CDH19: variants seen among roughly 807,000 people sequenced by gnomAD.
CDH19 encodes the protein cadherin-19.
CDH19 carries 67 observed loss-of-function variants against 64.2 expected under a neutral mutation model. The ratio of observed to expected loss-of-function variants is 1.04; its 90% CI spans 0.86 to 1.28. The LOEUF (loss-of-function observed/expected upper bound fraction) is 1.28, where lower values mean the gene tolerates loss of function less well. Ranked by LOEUF, CDH19 falls within the 50% of genes most tolerant of loss-of-function variation. The probability of loss-of-function intolerance (pLI) is 0.00; values close to 1 mark genes in which losing one functional copy is unlikely to be tolerated. For synonymous variants in CDH19, 346 were observed against 319.3 expected, an observed-to-expected ratio of 1.08 and a Z score of -0.89; for missense variants, 1,030 against 929.0, an observed-to-expected ratio of 1.11 and a Z score of -1.41.
At position 66,544,966 on chromosome 18, in the gene CDH19, G is replaced by C. The variant is rs540710662; in HGVS notation, c.776-63C>G. 11 of 1,241,136 alleles carry C rather than the reference G, an allele frequency of 8.9e-6. No individual in the cohort carries two copies. The Admixed American group carries it at 1.3e-4, about 15-fold the overall frequency. 76.9% of individuals were successfully genotyped at this position (1,241,136 alleles called of 1,614,324 possible). On this transcript the variant is annotated intron_variant, in intron 5 of 11. Transcript: ENST00000262150. ...TTAATATAGACAACTTGCAATTATA[G>C]TTTTTTGTTTGTTTGTTTGTTTGTT...
At position 66,595,750 on chromosome 18, in the gene CDH19, G is replaced by GATACTATAAAGAAATA. The variant is rs1294786253; in HGVS notation, c.-113+8203_-113+8204insTATTTCTTTATAGTAT. Among the ~76,000 whole-genome samples the GATACTATAAAGAAATA allele has an allele frequency of 3.3e-5, 5 of 152,050 alleles. No homozygotes were observed. In the East Asian group the frequency reaches 9.7e-4, roughly 29 times the overall value. ...ATACCAGATACTATAAAGAAGACGG[G>GATACTATAAAGAAATA]GTATCAATTTTACTGAAACTATTTC... On this transcript the variant is annotated intron_variant, in intron 1 of 11. Coordinates refer to ENST00000262150, the MANE Select transcript of CDH19 (RefSeq NM_021153.4).
At chr18:66,571,701 T>A (rs1988108828) in intron 2 of CDH19, among the ~76,000 whole-genome samples, 1 of 151,598 alleles carries the variant, frequency 6.6e-6, no homozygotes, top group South Asian at 2.1e-4. Flanking sequence ...GTAAATGATA[T>A]TTGTCTCACT....
chr18:66,585,607 T>C (rs1988555023), intron 1 of CDH19, among the ~76,000 whole-genome samples: 1 of 152,142 alleles, frequency 6.6e-6, no homozygotes, highest in Non-Finnish European at 1.5e-5. Flanking sequence ...GTGAGCTACA[T>C]GAAAATAGCT....
intron 1 of CDH19, among the ~76,000 whole-genome samples, chr18:66,588,622 A>ATC (rs1568211874): frequency 1.5e-5 from 2 of 136,166 alleles, no homozygotes; most frequent in African/African-American, 5.0e-5. Context: ...ATCTATATCT[A>ATC]TATCTATATA....
chr18:66,503,808 G>C lies in CDH19; in HGVS notation c.*1004C>G, dbSNP rs1333352702. ...GTTCAAATTTGAAATCAGTTTTAAAGAGTGCTCTTGGCAAAGTTTTAAAAT... is the reference window on the plus strand; with the variant it reads ...GTTCAAATTTGAAATCAGTTTTAAACAGTGCTCTTGGCAAAGTTTTAAAAT... On this transcript the variant is annotated 3_prime_UTR_variant, in exon 12 of 12. Coordinates refer to ENST00000262150, the MANE Select transcript of CDH19 (RefSeq NM_021153.4). 1 of 151,848 alleles carries C rather than the reference G, an allele frequency of 6.6e-6. No homozygotes were observed. Among genetic ancestry groups the C allele is most frequent in the African/African-American group, 2.4e-5 (1 of 41,414 alleles). The allele number at this position is 151,848 out of a possible 1,614,324, so 9.4% of individuals were successfully genotyped here.
intron 2 of CDH19, 59 bp downstream of exon 2, chr18:66,571,951 C>A (rs757158717): frequency 1.5e-6 from 2 of 1,299,562 alleles, no homozygotes; most frequent in Non-Finnish European, 2.1e-6. Context: ...CCAAACTTCT[C>A]CAACATATTT....
intron 1 of CDH19, among the ~76,000 whole-genome samples, chr18:66,581,938 A>G (rs1988433252): frequency 1.3e-5 from 2 of 152,152 alleles, no homozygotes; most frequent in Admixed American, 1.3e-4. Flanking sequence ...CCCATATGCT[A>G]GGACTTATAT....
chr18:66,559,943 C>T (rs1211060093), intron 3 of CDH19, among the ~76,000 whole-genome samples: 1 of 151,886 alleles, frequency 6.6e-6, no homozygotes, highest in South Asian at 2.1e-4. Context: ...AAATGGTTAA[C>T]TTGGAAAGAC....
At chr18:66,579,255 C>A (rs1168580990) in intron 1 of CDH19, among the ~76,000 whole-genome samples, 1 of 151,828 alleles carries the variant, frequency 6.6e-6, no homozygotes. Context: ...TATGATATGA[C>A]CTTTATAAAG....
intron 5 of CDH19, among the ~76,000 whole-genome samples, chr18:66,545,911 T>C (rs1044098083): frequency 6.6e-6 from 1 of 151,596 alleles, no homozygotes; most frequent in East Asian, 1.9e-4. Context: ...TGCAGATGTA[T>C]TTAAAATACA....
In CDH19 at chr18:66,519,226, G is replaced by T. The variant is rs960358073; in HGVS notation, c.1459-7541C>A. ...CGTGTAGCTAATTCAAATCTCTTTA[G>T]AAGACAATGAACTCCATGTTAAGAA... On this transcript the variant is annotated intron_variant, in intron 9 of 11. Transcript: ENST00000262150. 4.5e-4 allele frequency among the ~76,000 whole-genome samples: 69 copies of T among 152,226 alleles called. 1 individual carries two copies. The highest frequency in any genetic ancestry group is 1.6e-3 in the African/African-American group (67 of 41,548).
At chr18:66,598,446 C>A (rs914225100) in intron 1 of CDH19, among the ~76,000 whole-genome samples, 6 of 152,062 alleles carry the variant, frequency 3.9e-5, no homozygotes, top group Non-Finnish European at 8.8e-5. Context: ...CCTGGATGCT[C>A]ATCAACAATG....
At chr18:66,574,954 G>T (rs992992190) in intron 1 of CDH19, among the ~76,000 whole-genome samples, 5 of 151,810 alleles carry the variant, frequency 3.3e-5, no homozygotes, top group African/African-American at 1.2e-4. Context: ...TTTGTAAAGA[G>T]ATCAGCTGAA....
chr18:66,532,070 G>A (rs778349856), intron 8 of CDH19, among the ~76,000 whole-genome samples: 10 of 151,952 alleles, frequency 6.6e-5, no homozygotes, highest in Non-Finnish European at 1.0e-4. Context: ...AGGCTCAAGC[G>A]ATTCTCCTGC....
At chr18:66,571,046 C>T (rs953510072) in intron 2 of CDH19, among the ~76,000 whole-genome samples, 1 of 151,254 alleles carries the variant, frequency 6.6e-6, no homozygotes, top group African/African-American at 2.4e-5. Flanking sequence ...TAGTCTGAGT[C>T]GAAAATAAAA....
At chr18:66,570,001 G>A (rs72936213) in intron 2 of CDH19, among the ~76,000 whole-genome samples, 1 of 151,652 alleles carries the variant, frequency 6.6e-6, no homozygotes, top group Non-Finnish European at 1.5e-5. Context: ...GCTATGTAAT[G>A]AAAAATAACA....
At chr18:66,558,112 C>T (rs946199810) in intron 3 of CDH19, among the ~76,000 whole-genome samples, 1 of 150,448 alleles carries the variant, frequency 6.6e-6, no homozygotes, top group East Asian at 2.0e-4. Flanking sequence ...CCATTGCACT[C>T]CAGCCTGGGC....
chr18:66,586,468 A>T (rs1004430683), intron 1 of CDH19, among the ~76,000 whole-genome samples: 1 of 152,022 alleles, frequency 6.6e-6, no homozygotes, highest in Admixed American at 6.6e-5. Context: ...GGGGGACTGG[A>T]GTGGTAATAT....
At chr18:66,567,817 C>T (rs1987962598) in intron 3 of CDH19, among the ~76,000 whole-genome samples, 1 of 151,784 alleles carries the variant, frequency 6.6e-6, no homozygotes, top group African/African-American at 2.4e-5. Context: ...ACTGGAAAGA[C>T]ATTTCTAATT....
Sources: allele counts gnomAD v4.1 joint callset (sites outside exome capture counted in the v4.1 genomes callset), GRCh38; gene constraint gnomAD v4.1.1; transcripts MANE v1.5; gene names NCBI Gene and HGNC (gene_info 2026-07-23, HGNC 2026-07-21).